ZNF2: variants seen among roughly 807,000 people sequenced by gnomAD.
The protein encoded by ZNF2 is zinc finger protein 2, also known as zinc finger protein 2.2.
A neutral mutation model predicts 21.9 loss-of-function variants in ZNF2; 12 were observed. The ratio of observed to expected loss-of-function variants is 0.55; its 90% CI spans 0.35 to 0.89. The LOEUF is 0.89. ZNF2 is among the 40% of genes least tolerant of loss of function. The pLI, the probability that ZNF2 is intolerant of heterozygous loss-of-function variation, is 0.01. For synonymous variants in ZNF2, 186 were observed against 196.3 expected (o/e 0.95, Z 0.44); for missense variants, 462 against 544.2 (o/e 0.85, Z 1.50).
At chr2:95,169,031 G>A (rs1210454331) in intron 1 of ZNF2, among the ~76,000 whole-genome samples, 7 of 152,196 alleles carry the variant, frequency 4.6e-5, no homozygotes, top group African/African-American at 1.7e-4. Flanking sequence ...TGAGATGCAG[G>A]GATAGGAAAA....
chr2:95,178,931 G>T (rs1291272441), intron 3 of ZNF2, among the ~76,000 whole-genome samples: 1 of 150,886 alleles, frequency 6.6e-6, no homozygotes, highest in Non-Finnish European at 1.5e-5. Context: ...TAAATTTATT[G>T]TGTGAAAAAA....
chr2:95,167,226 G>A (rs187735107), intron 1 of ZNF2, among the ~76,000 whole-genome samples: 220 of 152,272 alleles, frequency 1.4e-3, no homozygotes, highest in African/African-American at 5.1e-3. Context: ...TAATATGGCC[G>A]GGCACAGTGG....
intron 4 of ZNF2, 36 bp downstream of exon 4, chr2:95,180,308 T>TC: frequency 6.9e-7 from 1 of 1,456,736 alleles, no homozygotes; most frequent in Non-Finnish European, 9.5e-7. Context: ...TGGAATTTTG[T>TC]TTGGCTTTTT....
At position 95,182,153 on chromosome 2, in the gene ZNF2, G is replaced by A. The variant is rs1176959750; in HGVS notation, c.*47G>A. The A allele has an allele frequency of 6.5e-7, 1 of 1,548,028 alleles. No homozygotes were observed. The highest frequency in any genetic ancestry group is 8.7e-7 in the Non-Finnish European group (1 of 1,147,936). On this transcript the variant is annotated 3_prime_UTR_variant, in exon 5 of 5. Coordinates refer to ENST00000614034, the MANE Select transcript of ZNF2 (RefSeq NM_021088.4). The stretch of plus-strand genomic sequence containing the variant: ...GACAAGAACTTCCATACAAATTTGA[G>A]ATAGATCTCGCCTGTCTTAAAGCTG...
chr2:95,169,635 A>G (rs1270666776), intron 1 of ZNF2, among the ~76,000 whole-genome samples: 1 of 152,124 alleles, frequency 6.6e-6, no homozygotes, highest in Non-Finnish European at 1.5e-5. Context: ...CTATAATCCC[A>G]GCTACTCAGG....
In ZNF2 at chr2:95,169,936, C is replaced by T. The variant is rs139268427; in HGVS notation, c.-40+4076C>T. ...ATCAAGATAACTGCAAGAGATATTA[C>T]TTCCGTTATTCCAGTTTTGCAAACA... On this transcript the variant is annotated intron_variant, in intron 1 of 4. Transcript: ENST00000614034. 4.2e-3 allele frequency among the ~76,000 whole-genome samples: 640 copies of T among 152,280 alleles called. 11 individuals carry two copies. Among genetic ancestry groups the T allele is most frequent in the African/African-American group, 0.015 (612 of 41,546 alleles).
chr2:95,168,349 TG>T (rs1225746560), intron 1 of ZNF2, among the ~76,000 whole-genome samples: 1 of 149,570 alleles, frequency 6.7e-6, no homozygotes, highest in Non-Finnish European at 1.5e-5. Context: ...CGCTTGAACC[TG>T]GGAGGCAGAG....
intron 1 of ZNF2, among the ~76,000 whole-genome samples, chr2:95,169,968 C>T (rs1451589824): frequency 2.0e-5 from 3 of 152,286 alleles, no homozygotes; most frequent in African/African-American, 4.8e-5. Flanking sequence ...AACAGGCAGA[C>T]TGAGACAGGT....
chr2:95,177,799 C>T (rs1674499585), intron 3 of ZNF2, among the ~76,000 whole-genome samples, 190 bp downstream of exon 3: 1 of 152,202 alleles, frequency 6.6e-6, no homozygotes, highest in Non-Finnish European at 1.5e-5. Context: ...ATTGGGCAGA[C>T]ATGCCTCCCC....
At chr2:95,174,782 A>G (rs1573397445) in intron 1 of ZNF2, among the ~76,000 whole-genome samples, 1 of 152,302 alleles carries the variant, frequency 6.6e-6, no homozygotes, top group East Asian at 1.9e-4. Flanking sequence ...GTGCTAAGCT[A>G]TAGCTTCTGG....
At position 95,181,439 on chromosome 2, in the gene ZNF2, G is replaced by T. The variant is rs371879739; in HGVS notation, c.611G>T (p.Arg204Leu). 26 of 1,614,028 alleles carry T rather than the reference G, an allele frequency of 1.6e-5. No homozygotes were observed. In the African/African-American group the frequency reaches 3.3e-4, roughly 21 times the overall value. ...ACTGGGGAGAAGCCCTACGACTGCCGCGAGTGTGGGAAAGCCTTCAGCCAC... is the reference window on the plus strand; with the variant it reads ...ACTGGGGAGAAGCCCTACGACTGCCTCGAGTGTGGGAAAGCCTTCAGCCAC... ...THTGEKPYDC[R>L]ECGKAFSHRS... Residue 204 changes from arginine (R) to leucine (L), a missense_variant, in exon 5 of 5, where the codon CGC becomes CTC. Physicochemically the swap from Arg to Leu is moderately radical, Grantham distance 102 (BLOSUM62 -2). Coordinates refer to ENST00000614034, the MANE Select transcript of ZNF2 (RefSeq NM_021088.4).
intron 2 of ZNF2, among the ~76,000 whole-genome samples, chr2:95,177,203 G>A (rs939982359): frequency 5.9e-5 from 9 of 152,270 alleles, no homozygotes; most frequent in African/African-American, 1.9e-4. Flanking sequence ...CCAGGTGAAG[G>A]GTACACAGGA....
chr2:95,183,495 A>G lies in ZNF2; in HGVS notation c.*1389A>G, dbSNP rs1298003867. 1.3e-5 allele frequency: 2 copies of G among 152,070 alleles called. No homozygotes were observed. The highest frequency in any genetic ancestry group is 4.8e-5 in the African/African-American group (2 of 41,380). The allele number at this position is 152,070 out of a possible 1,614,324, so 9.4% of individuals were successfully genotyped here. On this transcript the variant is annotated 3_prime_UTR_variant, in exon 5 of 5. Coordinates refer to ENST00000614034, the MANE Select transcript of ZNF2 (RefSeq NM_021088.4). ...ATCACTGCCTTCCTCAAGACCTAAA[A>G]TAGCTCCCTATTTAGTGAAAAATTA...
chr2:95,179,680 G>A (rs1387907733), intron 3 of ZNF2, among the ~76,000 whole-genome samples: 1 of 152,172 alleles, frequency 6.6e-6, no homozygotes, highest in Non-Finnish European at 1.5e-5. Context: ...CCTCAGTCCT[G>A]GCCTCCGTCC....
intron 1 of ZNF2, among the ~76,000 whole-genome samples, chr2:95,167,642 G>C (rs1486483929): frequency 1.3e-5 from 2 of 151,696 alleles, no homozygotes; most frequent in Admixed American, 1.3e-4. Flanking sequence ...GACGTCAGGA[G>C]TTCAAGACCA....
chr2:95,180,991 A>C (rs1674618209), intron 4 of ZNF2, 112 bp from the exon 5 acceptor site: 1 of 1,295,410 alleles, frequency 7.7e-7, no homozygotes, highest in African/African-American at 1.5e-5. Context: ...TATCTATGGG[A>C]GCAAGCAATG....
At chr2:95,171,027 C>T (rs142428487) in intron 1 of ZNF2, among the ~76,000 whole-genome samples, 1 of 152,218 alleles carries the variant, frequency 6.6e-6, no homozygotes, top group African/African-American at 2.4e-5. Flanking sequence ...TAAACATTGC[C>T]TTCCTTGTAT....
intron 4 of ZNF2, 108 bp downstream of exon 4, chr2:95,180,380 T>G: frequency 4.2e-6 from 3 of 707,228 alleles, no homozygotes; most frequent in Non-Finnish European, 7.2e-6. Flanking sequence ...AGTCTTCTGC[T>G]TTATTATTTA....
intron 3 of ZNF2, among the ~76,000 whole-genome samples, chr2:95,178,806 A>C (rs1285254952): frequency 2.0e-5 from 3 of 152,188 alleles, no homozygotes; most frequent in African/African-American, 7.2e-5. Flanking sequence ...AAAATGGTCT[A>C]AATTTCTATC....
Sources: gnomAD v4.1 joint callset for allele counts (sites outside exome capture counted in the v4.1 genomes callset) on GRCh38, gnomAD v4.1.1 for gene constraint, MANE v1.5 for transcripts, NCBI Gene and HGNC (gene_info 2026-07-23, HGNC 2026-07-21) for gene names.